Variants in NXPE3 observed in about 807,000 individuals in gnomAD.
NXPE3 encodes the protein neurexophilin and PC-esterase domain family member 3, also known as NXPE family member 3.
In NXPE3, 26 loss-of-function variants were observed where a neutral mutation model predicts 46.1. The observed-to-expected ratio is 0.56, with a 90% confidence interval of 0.41 to 0.78. NXPE3 has a LOEUF of 0.78. Ranked by LOEUF, NXPE3 falls within the 30% of genes least tolerant of loss-of-function variation. NXPE3 has a pLI of 0.00. For missense variants in NXPE3, 620 were observed against 686.0 expected, an observed-to-expected ratio of 0.90 and a Z score of 1.07; for synonymous variants, 272 against 257.9, an observed-to-expected ratio of 1.05 and a Z score of -0.52.
At chr3:101,801,088 G>T in intron 4 of NXPE3, 147 bp from the exon 5 acceptor site, 1 of 852,062 alleles carries the variant, frequency 1.2e-6, no homozygotes, top group African/African-American at 1.7e-5. Flanking sequence ...GAAGCCCAAG[G>T]GGATTTTTCT....
chr3:101,794,076 A>G (rs1166579500), intron 4 of NXPE3, among the ~76,000 whole-genome samples: 3 of 149,288 alleles, frequency 2.0e-5, no homozygotes, highest in African/African-American at 7.4e-5. Flanking sequence ...TCTGATGCCT[A>G]GTGTCTGGAA....
chr3:101,808,818 GATATATAT>G lies in NXPE3; in HGVS notation c.922+1723_922+1730del, dbSNP rs58006464. Among the ~76,000 whole-genome samples the G allele has an allele frequency of 7.6e-3, 235 of 30,808 alleles. 13 individuals are homozygous for G. Among genetic ancestry groups the G allele is most frequent in the East Asian group, 0.042 (39 of 934 alleles). The allele number at this position is 30,808 out of a possible 152,430, so 20.2% of individuals were successfully genotyped here. A position where few individuals can be genotyped will look rare whatever the true frequency, so the allele number is the denominator to read the frequency against. On this transcript the variant is annotated intron_variant, in intron 6 of 7. Transcript: ENST00000273347. The stretch of plus-strand genomic sequence containing the variant: ...ACCAAATGAATTACTAATTTTAGAG[GATATATAT>G]ATATATATATATATATATATATATA...
rs1322342503 is a variant in NXPE3 at position 101,821,879 on chromosome 3, G to A, written c.1605G>A (p.Lys535=). 1.2e-6 allele frequency: 2 copies of A among 1,614,158 alleles called. No homozygotes were observed. The highest frequency in any genetic ancestry group is 1.7e-6 in the Non-Finnish European group (2 of 1,180,024). The part of the protein sequence containing the change: ...EMTLAHYLPH[K]LHPDEVIVKN... ...CCCTGGCCCATTATCTACCGCACAAGCTGCATCCAGATGAAGTTATTGTGA... is the reference window on the plus strand; with the variant it reads ...CCCTGGCCCATTATCTACCGCACAAACTGCATCCAGATGAAGTTATTGTGA... The change falls in exon 8 of 8, where the codon AAG becomes AAA. Residue 535 remains lysine (K), a synonymous_variant. Coordinates refer to ENST00000273347, the MANE Select transcript of NXPE3 (RefSeq NM_145037.4).
intron 4 of NXPE3, among the ~76,000 whole-genome samples, chr3:101,786,336 A>G (rs1198626367): frequency 5.3e-5 from 8 of 152,226 alleles, no homozygotes; most frequent in Admixed American, 5.2e-4. Flanking sequence ...CTCAGATTAC[A>G]TATCCAACTT....
rs907167893 is a variant in NXPE3, at chr3:101,823,359, A to G, written c.*1405A>G. 1.3e-5 allele frequency: 2 copies of G among 152,200 alleles called. No homozygotes were observed. Among genetic ancestry groups the G allele is most frequent in the African/African-American group, 4.8e-5 (2 of 41,436 alleles). The allele number at this position is 152,200 out of a possible 1,614,324, so 9.4% of individuals were successfully genotyped here. A position where few individuals can be genotyped will look rare whatever the true frequency, so the allele number is the denominator to read the frequency against. The stretch of plus-strand genomic sequence containing the variant: ...TTTTAAAGTATTTTAGGGGGAAAGA[A>G]GATTTTTAATTGTTTCTGAGCCTAA... On this transcript the variant is annotated 3_prime_UTR_variant, in exon 8 of 8. Transcript: ENST00000273347.
chr3:101,813,124 T>A (rs1016210522), intron 6 of NXPE3, among the ~76,000 whole-genome samples: 3 of 152,168 alleles, frequency 2.0e-5, no homozygotes, highest in Non-Finnish European at 2.9e-5. Context: ...TCCTCATTCC[T>A]CATCCTGCTG....
chr3:101,806,595 T>A (rs1000240219), intron 5 of NXPE3, among the ~76,000 whole-genome samples: 1 of 152,190 alleles, frequency 6.6e-6, no homozygotes, highest in African/African-American at 2.4e-5. Flanking sequence ...AAGTACTGCA[T>A]GAGTAAGTAT....
At chr3:101,788,387 C>T (rs1055114928) in intron 4 of NXPE3, among the ~76,000 whole-genome samples, 1 of 152,106 alleles carries the variant, frequency 6.6e-6, no homozygotes, top group African/African-American at 2.4e-5. Flanking sequence ...TGGATGTAGT[C>T]CAGTTTATCT....
chr3:101,784,009 A>G (rs1466388188), intron 3 of NXPE3, among the ~76,000 whole-genome samples: 1 of 152,122 alleles, frequency 6.6e-6, no homozygotes, highest in Non-Finnish European at 1.5e-5. Flanking sequence ...TCTCCTTAAG[A>G]AGGGGCTGAC....
At position 101,785,607 on chromosome 3, in the gene NXPE3, A is replaced by G. The variant is rs772074966; in HGVS notation, c.11A>G (p.Asn4Ser). MWT[N>S]FFKLRLFCCL... ...AGACACAGCCAGACAATGTGGACCA[A>G]TTTCTTCAAACTACGGCTTTTCTGC... Residue 4 changes from asparagine (N) to serine (S), a missense_variant, in exon 4 of 8, where the codon AAT becomes AGT. This residue lies in a region of NXPE3 where 511 missense variants were observed against 528.6 expected (regional missense o/e 0.97). Coordinates refer to ENST00000273347, the MANE Select transcript of NXPE3 (RefSeq NM_145037.4). 137 of 1,613,916 alleles carry G rather than the reference A, an allele frequency of 8.5e-5. 1 individual carries two copies. In the South Asian group the frequency reaches 1.2e-3, roughly 14 times the overall value.
At chr3:101,780,418 G>T (rs762798824) in intron 1 of NXPE3, among the ~76,000 whole-genome samples, 82 of 152,316 alleles carry the variant, frequency 5.4e-4, no homozygotes, top group Middle Eastern at 6.8e-3. Context: ...CTGGGAATTG[G>T]GTTGTCCTGA....
intron 3 of NXPE3, among the ~76,000 whole-genome samples, chr3:101,785,187 AAT>A (rs1940082468): frequency 6.6e-6 from 1 of 152,176 alleles, no homozygotes; most frequent in Non-Finnish European, 1.5e-5. Flanking sequence ...CAATAGGGGA[AAT>A]ATTGTATTTA....
At chr3:101,790,190 T>C (rs1054325934) in intron 4 of NXPE3, among the ~76,000 whole-genome samples, 13 of 152,232 alleles carry the variant, frequency 8.5e-5, no homozygotes. Context: ...TGGAAAGGAA[T>C]GCATTCTGCT....
At chr3:101,816,259 A>T (rs927612458) in intron 6 of NXPE3, among the ~76,000 whole-genome samples, 1 of 150,120 alleles carries the variant, frequency 6.7e-6, no homozygotes, top group Admixed American at 6.6e-5. Flanking sequence ...CCATTTTTGT[A>T]CAAAGGAAAA....
At chr3:101,791,270 T>C (rs1370634608) in intron 4 of NXPE3, among the ~76,000 whole-genome samples, 1 of 152,246 alleles carries the variant, frequency 6.6e-6, no homozygotes, top group East Asian at 1.9e-4. Context: ...ACAAAAGATA[T>C]GATCTCTTTC....
chr3:101,801,581 G>T lies in NXPE3; in HGVS notation c.440G>T (p.Arg147Ile), dbSNP rs1289265228. ...KKYGGDYLQA[R>I]IHSLKLQAGA... is the part of the protein sequence containing the mutation. ...TATGGTGGAGACTACCTGCAGGCCA[G>T]AATTCACTCCCTCAAGCTGCAGGCT... The change falls in exon 5 of 8, where the codon AGA (arginine) becomes ATA (isoleucine). Residue 147 changes from arginine (R) to isoleucine (I), a missense_variant. Transcript: ENST00000273347. 5.6e-6 allele frequency: 9 copies of T among 1,614,216 alleles called. No individual in the cohort carries two copies. Among genetic ancestry groups the T allele is most frequent in the Non-Finnish European group, 7.6e-6 (9 of 1,180,034 alleles).
intron 1 of NXPE3, chr3:101,779,864 G>C (rs553830097): frequency 6.6e-6 from 1 of 152,572 alleles, no homozygotes; most frequent in East Asian, 1.9e-4. Context: ...GACTGTTCTG[G>C]CCTTACTGAG....
intron 7 of NXPE3, among the ~76,000 whole-genome samples, chr3:101,818,753 ATTTTTTTTTTTTTTTT>A (rs1186102474): frequency 3.3e-4 from 4 of 12,258 alleles, no homozygotes; most frequent in African/African-American, 1.0e-3. Context: ...ATATATATAT[ATTTTTTTTTTTTTTTT>A]TTTTTTTTTT....
At chr3:101,819,661 T>C (rs908200738) in intron 7 of NXPE3, among the ~76,000 whole-genome samples, 20 of 152,234 alleles carry the variant, frequency 1.3e-4, no homozygotes, top group Admixed American at 1.1e-3. Context: ...AGTATATTTA[T>C]GGGGTACAAT....
Sources: allele counts gnomAD v4.1 joint callset (sites outside exome capture counted in the v4.1 genomes callset), GRCh38; gene constraint gnomAD v4.1.1; regional missense constraint gnomAD v4.1.1; transcripts MANE v1.5; gene names NCBI Gene and HGNC (gene_info 2026-07-23, HGNC 2026-07-21).